The following BNC1 variants were observed in gnomAD, a reference collection of about 807,000 sequenced individuals.
BNC1 encodes basonuclin zinc finger protein 1.
BNC1 carries 8 observed loss-of-function variants against 66.5 expected under a neutral mutation model. The observed-to-expected ratio is 0.12, with a 90% CI of 0.07 to 0.22. The LOEUF (loss-of-function observed/expected upper bound fraction) is 0.22. BNC1 is among the 10% of genes least tolerant of loss of function. BNC1 has a pLI of 1.00. For synonymous variants in BNC1, 454 were observed against 452.6 expected, an observed-to-expected ratio of 1.00 and a Z score of -0.04; for missense variants, 1,069 against 1,241.3, an observed-to-expected ratio of 0.86 and a Z score of 2.09.
chr15:83,266,851 A>T lies in BNC1; in HGVS notation c.420T>A (p.Arg140=). The T allele has an allele frequency of 1.9e-6, 3 of 1,613,976 alleles. No homozygotes were observed. Among genetic ancestry groups the T allele is most frequent in the Non-Finnish European group, 1.7e-6 (2 of 1,179,798 alleles). The stretch of plus-strand genomic sequence containing the variant: ...TTTACTGTACCTGCAGTACGTATCC[A>T]CGGATATAATCCTGAAGTGTCCAGT... ...ALDWTLQDYI[R]GYVLQDASGK... The change falls in exon 3 of 5, where the codon CGT becomes CGA. Residue 140 remains arginine, a synonymous_variant. Transcript: ENST00000345382.
At chr15:83,271,065 C>A (rs933444285) in intron 1 of BNC1, among the ~76,000 whole-genome samples, 7 of 152,138 alleles carry the variant, frequency 4.6e-5, no homozygotes, top group African/African-American at 1.2e-4. Context: ...CACCTGAGGT[C>A]AGGAGTTCAA....
At position 83,256,069 on chromosome 15, in the gene BNC1, G is replaced by A. The variant is rs975573688; in HGVS notation, c.*1373C>T. ...TGTCACACTTATTAAAACAAAAAAAGCTGAAATAATTGGTAACAGGTTGTT... is the reference window on the plus strand; with the variant it reads ...TGTCACACTTATTAAAACAAAAAAAACTGAAATAATTGGTAACAGGTTGTT... On this transcript the variant is annotated 3_prime_UTR_variant, in exon 5 of 5. Transcript: ENST00000345382. 5.2e-5 allele frequency: 8 copies of A among 152,510 alleles called. No individual in the cohort carries two copies. The highest frequency in any genetic ancestry group is 1.0e-4 in the Non-Finnish European group (7 of 68,010). The allele number at this position is 152,510 out of a possible 1,614,324, so 9.4% of individuals were successfully genotyped here.
intron 4 of BNC1, 56 bp downstream of exon 4, chr15:83,262,895 T>C (rs967172833): frequency 1.1e-5 from 17 of 1,488,892 alleles, no homozygotes; most frequent in Admixed American, 8.6e-5. Context: ...TTCTGATGCA[T>C]GTTAAACTTG....
chr15:83,273,211 TA>T (rs1286059106), intron 1 of BNC1, among the ~76,000 whole-genome samples: 3 of 152,152 alleles, frequency 2.0e-5, no homozygotes, highest in Non-Finnish European at 2.9e-5. Flanking sequence ...ATTTATGAAC[TA>T]AAAAAGCTAA....
rs889986781 is a variant in BNC1, at chr15:83,284,101, G to GA, written c.99+428dup. Reference sequence around the variant, plus strand: ...CTGTTTCACAAATTCTGAGGTAAAAGAAAAAAAAAAAAAGAAGGGGTCGAC... The same window carrying GA: ...CTGTTTCACAAATTCTGAGGTAAAAGAAAAAAAAAAAAAAGAAGGGGTCGAC... On this transcript the variant is annotated intron_variant, in intron 1 of 4. Coordinates refer to ENST00000345382, the MANE Select transcript of BNC1 (RefSeq NM_001717.4). 1.8e-3 allele frequency among the ~76,000 whole-genome samples: 242 copies of GA among 133,216 alleles called. 1 individual carries two copies. The highest frequency in any genetic ancestry group is 4.8e-3 in the East Asian group (22 of 4,562). The allele number at this position is 133,216 out of a possible 152,430, so 87.4% of individuals were successfully genotyped here. A position where few individuals can be genotyped will look rare whatever the true frequency, so the allele number is the denominator to read the frequency against.
chr15:83,268,942 TTGTC>T (rs2038243257), intron 1 of BNC1, among the ~76,000 whole-genome samples: 2 of 152,168 alleles, frequency 1.3e-5, no homozygotes, highest in Admixed American at 6.5e-5. Context: ...AAACAAAGCT[TTGTC>T]TGAGCGTGGT....
At position 83,262,973 on chromosome 15, in the gene BNC1, G is replaced by A; in HGVS notation, c.2278C>T (p.Pro760Ser). 6.2e-7 allele frequency: 1 copy of A among 1,610,274 alleles called. No homozygotes were observed. The highest frequency in any genetic ancestry group is 1.3e-5 in the African/African-American group (1 of 74,946). ...TACCTGTCTCTGCTCCTGCGGGAGG[G>A]AAAGGTAGCATTACAGCCCTCCACT... ...CTVEGCNATF[P>S]SRRSRDRHSS... Residue 760 changes from proline (P) to serine (S), a missense_variant, in exon 4 of 5, where the codon CCC (proline) becomes TCC (serine). By Grantham distance (74) the Pro-to-Ser change is moderately conservative. Around this residue, in one of 7 missense-constraint regions of BNC1, gnomAD observed 657 missense variants for 715.8 expected, o/e 0.92. Transcript: ENST00000345382.
intron 1 of BNC1, among the ~76,000 whole-genome samples, chr15:83,277,059 C>G (rs2038330280): frequency 1.3e-5 from 2 of 152,068 alleles, no homozygotes; most frequent in African/African-American, 2.4e-5. Context: ...TAACAGCCAC[C>G]AAGTTTACAA....
At chr15:83,273,761 G>C (rs1369128288) in intron 1 of BNC1, among the ~76,000 whole-genome samples, 1 of 152,112 alleles carries the variant, frequency 6.6e-6, no homozygotes, top group African/African-American at 2.4e-5. Context: ...TTCTACCTTT[G>C]GCTTGAGGAG....
intron 3 of BNC1, among the ~76,000 whole-genome samples, 166 bp downstream of exon 3, chr15:83,266,670 T>TC (rs1567193277): frequency 6.6e-6 from 1 of 151,616 alleles, no homozygotes; most frequent in Admixed American, 6.6e-5. Flanking sequence ...AGCCTTGGAC[T>TC]CCCCCCAAGA....
At chr15:83,275,418 C>T (rs1307609910) in intron 1 of BNC1, among the ~76,000 whole-genome samples, 1 of 149,808 alleles carries the variant, frequency 6.7e-6, no homozygotes, top group Non-Finnish European at 1.5e-5. Context: ...ACTGCTTGAA[C>T]CCGGGAAGTG....
chr15:83,259,943 C>T (rs892406139), intron 4 of BNC1, among the ~76,000 whole-genome samples: 18 of 152,124 alleles, frequency 1.2e-4, no homozygotes, highest in African/African-American at 4.1e-4. Context: ...CCCATGTCTC[C>T]ATCTCTTCCC....
chr15:83,256,201 G>A lies in BNC1; in HGVS notation c.*1241C>T, dbSNP rs1050665418. ...CACGAATTTAAAAGATAGTTAACTT[G>A]AATTCTGAATACAAAATCAATGTCC... On this transcript the variant is annotated 3_prime_UTR_variant, in exon 5 of 5. Transcript: ENST00000345382. 4 of 152,484 alleles carry A rather than the reference G, an allele frequency of 2.6e-5. No individual in the cohort carries two copies. Among genetic ancestry groups the A allele is most frequent in the Non-Finnish European group, 5.9e-5 (4 of 68,030 alleles). 9.4% of individuals were successfully genotyped at this position (152,484 alleles called of 1,614,324 possible).
intron 3 of BNC1, 98 bp from the exon 4 acceptor site, chr15:83,264,913 A>T (rs2038199584): frequency 7.8e-7 from 1 of 1,274,964 alleles, no homozygotes; most frequent in African/African-American, 1.5e-5. Flanking sequence ...ACTTTTGTGC[A>T]TATAGGAAAA....
intron 1 of BNC1, chr15:83,283,040 G>A (rs140731663): frequency 1.4e-5 from 20 of 1,408,300 alleles, no homozygotes; most frequent in African/African-American, 9.9e-5. Context: ...ACCAGGGGAC[G>A]TTACCGAACC....
chr15:83,258,216 A>G (rs1411572925), intron 4 of BNC1, 90 bp from the exon 5 acceptor site: 1 of 1,351,408 alleles, frequency 7.4e-7, no homozygotes. Context: ...GATACCAGGA[A>G]AAACATGTGG....
chr15:83,280,595 C>A (rs1441111659), intron 1 of BNC1, among the ~76,000 whole-genome samples: 1 of 152,172 alleles, frequency 6.6e-6, no homozygotes, highest in Non-Finnish European at 1.5e-5. Context: ...CCATCCTGAT[C>A]CCTTGCTTCA....
chr15:83,263,026 A>G lies in BNC1; in HGVS notation c.2225T>C (p.Met742Thr). 6.2e-7 allele frequency: 1 copy of G among 1,614,194 alleles called. No homozygotes were observed. Among genetic ancestry groups the G allele is most frequent in the Non-Finnish European group, 8.5e-7 (1 of 1,180,032 alleles). Residue 742 changes from methionine to threonine, a missense_variant, in exon 4 of 5, where the codon ATG becomes ACG. Coordinates refer to ENST00000345382, the MANE Select transcript of BNC1 (RefSeq NM_001717.4). Reference sequence around the variant, plus strand: ...GCATGTGTGCATTTCTTTGACATGCATATTCTTGTGATGAATTTTCACACT... The same window carrying G: ...GCATGTGTGCATTTCTTTGACATGCGTATTCTTGTGATGAATTTTCACACT... ...ACSVKIHHKN[M>T]HVKEMHTCTV...
intron 1 of BNC1, among the ~76,000 whole-genome samples, chr15:83,268,504 T>C (rs1268333206): frequency 6.6e-6 from 1 of 152,180 alleles, no homozygotes; most frequent in Non-Finnish European, 1.5e-5. Flanking sequence ...TGGGTTAGAA[T>C]GAAATCTCCT....
Sources: allele counts gnomAD v4.1 joint callset (sites outside exome capture counted in the v4.1 genomes callset), GRCh38; gene constraint gnomAD v4.1.1; regional missense constraint gnomAD v4.1.1; transcripts MANE v1.5; gene names NCBI Gene and HGNC (gene_info 2026-07-23, HGNC 2026-07-21).